Variants in GPC5 observed in about 807,000 individuals in gnomAD.
The protein encoded by GPC5 is glypican 5.
A neutral mutation model predicts 53.9 loss-of-function variants in GPC5; 47 were observed. The ratio of observed to expected loss-of-function variants is 0.87; its 90% CI spans 0.69 to 1.11. The LOEUF is 1.11. Among genes scored for constraint, GPC5 ranks in the 50% most tolerant of loss-of-function variants. The probability of loss-of-function intolerance (pLI) is 0.00; values close to 1 mark genes in which losing one functional copy is unlikely to be tolerated. For missense variants in GPC5, 748 were observed against 713.1 expected (o/e 1.05, Z -0.56); for synonymous variants, 286 against 263.3 (o/e 1.09, Z -0.84).
chr13:92,506,998 C>G (rs1482233823), intron 7 of GPC5, among the ~76,000 whole-genome samples: 1 of 152,166 alleles, frequency 6.6e-6, no homozygotes, highest in Non-Finnish European at 1.5e-5. Context: ...TCCTTGGCCC[C>G]CAAGTATGTG....
chr13:91,916,810 T>A (rs2139010348), intron 6 of GPC5, among the ~76,000 whole-genome samples: 1 of 152,236 alleles, frequency 6.6e-6, no homozygotes, highest in East Asian at 1.9e-4. Flanking sequence ...ATCAAATCTG[T>A]GAGACTCACT....
intron 6 of GPC5, among the ~76,000 whole-genome samples, chr13:92,056,366 T>G (rs903056058): frequency 6.6e-6 from 1 of 152,170 alleles, no homozygotes; most frequent in African/African-American, 2.4e-5. Context: ...GTTAATCTCC[T>G]CATCTCAAAA....
intron 7 of GPC5, among the ~76,000 whole-genome samples, chr13:92,438,245 A>G (rs1877397350): frequency 6.6e-6 from 1 of 152,006 alleles, no homozygotes; most frequent in Non-Finnish European, 1.5e-5. Flanking sequence ...TAAATGGAGA[A>G]CCAACCCAAT....
chr13:92,543,169 T>A (rs925353445), intron 7 of GPC5, among the ~76,000 whole-genome samples: 6 of 152,102 alleles, frequency 3.9e-5, no homozygotes, highest in African/African-American at 1.4e-4. Context: ...CTTCATTTTT[T>A]AAAAATTCAT....
At chr13:91,997,702 T>G (rs1299773325) in intron 6 of GPC5, among the ~76,000 whole-genome samples, 1 of 152,122 alleles carries the variant, frequency 6.6e-6, no homozygotes, top group Non-Finnish European at 1.5e-5. Context: ...GTCTTTTTAG[T>G]AGAGACGGGG....
chr13:92,771,036 C>T (rs1182911514), intron 7 of GPC5, among the ~76,000 whole-genome samples: 3 of 152,154 alleles, frequency 2.0e-5, no homozygotes, highest in Non-Finnish European at 4.4e-5. Context: ...AGTCCTGACT[C>T]TCCACAAGCC....
intron 2 of GPC5, among the ~76,000 whole-genome samples, chr13:91,471,733 G>T (rs185528019): frequency 2.0e-5 from 3 of 151,818 alleles, no homozygotes; most frequent in African/African-American, 7.3e-5. Flanking sequence ...TTCTTCCTAG[G>T]TCTCTTCCTC....
chr13:91,731,105 A>C (rs1257334114), intron 4 of GPC5, among the ~76,000 whole-genome samples: 2 of 152,240 alleles, frequency 1.3e-5, no homozygotes, highest in Admixed American at 1.3e-4. Context: ...GGTCCTTGCC[A>C]GCTAAAAGTG....
At chr13:92,484,896 G>A (rs1014341080) in intron 7 of GPC5, among the ~76,000 whole-genome samples, 20 of 150,602 alleles carry the variant, frequency 1.3e-4, no homozygotes, top group Admixed American at 3.9e-4. Context: ...CACCATGCCC[G>A]GCTAATTTTT....
chr13:91,507,918 A>G (rs1885028152), intron 2 of GPC5, among the ~76,000 whole-genome samples: 1 of 152,238 alleles, frequency 6.6e-6, no homozygotes, highest in Admixed American at 6.5e-5. Flanking sequence ...CTGAAAGTAT[A>G]CTTAATTGAA....
chr13:91,941,126 T>C (rs1186312917), intron 6 of GPC5, among the ~76,000 whole-genome samples: 2 of 152,018 alleles, frequency 1.3e-5, no homozygotes, highest in Non-Finnish European at 2.9e-5. Flanking sequence ...TATGGCTTGT[T>C]TTTGTCAGTG....
intron 6 of GPC5, among the ~76,000 whole-genome samples, chr13:92,083,146 G>A (rs1407154444): frequency 6.6e-6 from 1 of 152,118 alleles, no homozygotes; most frequent in Non-Finnish European, 1.5e-5. Context: ...TCCCTTTGGG[G>A]GACAAGAATT....
At chr13:91,907,836 C>A (rs1594655967) in intron 5 of GPC5, 101 bp from the exon 6 acceptor site, 1 of 1,221,710 alleles carries the variant, frequency 8.2e-7, no homozygotes, top group East Asian at 2.5e-5. Flanking sequence ...TTGGTGTATT[C>A]TCTAAAGGAG....
intron 6 of GPC5, among the ~76,000 whole-genome samples, chr13:92,136,191 G>A (rs1566450796): frequency 6.6e-6 from 1 of 152,108 alleles, no homozygotes; most frequent in Non-Finnish European, 1.5e-5. Context: ...AATAGATCAT[G>A]ATGGATTTTG....
At chr13:92,614,730 G>A (rs1356249816) in intron 7 of GPC5, among the ~76,000 whole-genome samples, 1 of 152,162 alleles carries the variant, frequency 6.6e-6, no homozygotes, top group Non-Finnish European at 1.5e-5. Context: ...AGCTCCTCTA[G>A]TCAACCATTT....
chr13:92,532,031 G>A (rs1881583107), intron 7 of GPC5, among the ~76,000 whole-genome samples: 1 of 151,922 alleles, frequency 6.6e-6, no homozygotes, highest in Non-Finnish European at 1.5e-5. Flanking sequence ...TCTCACCCTG[G>A]GTCTACTTCC....
intron 7 of GPC5, among the ~76,000 whole-genome samples, chr13:92,650,839 C>T (rs1374779089): frequency 1.3e-5 from 2 of 152,024 alleles, no homozygotes; most frequent in African/African-American, 4.8e-5. Context: ...ATGTGCAGAA[C>T]GTGGAGGTTT....
rs1272182518 is a variant in GPC5, at chr13:92,371,325, T to A, written c.1561+226336T>A. Among the ~76,000 whole-genome samples, 10 of 152,346 alleles carry A rather than the reference T, an allele frequency of 6.6e-5. No homozygotes were observed. The South Asian group carries it at 1.2e-3, about 19-fold the overall frequency. ...TATCCTCTGCTGTTATTTCTGTGTA[T>A]GATACATTACATGGCAAAGGGATTT... On this transcript the variant is annotated intron_variant, in intron 7 of 7. Coordinates refer to ENST00000377067, the MANE Select transcript of GPC5 (RefSeq NM_004466.6).
chr13:92,117,340 GTTTCT>G (rs1339911350), intron 6 of GPC5, among the ~76,000 whole-genome samples: 2 of 151,980 alleles, frequency 1.3e-5, no homozygotes, highest in Non-Finnish European at 2.9e-5. Context: ...GTTCCATTCT[GTTTCT>G]TTTATCTTTT....
Sources: gnomAD v4.1 joint callset for allele counts (sites outside exome capture counted in the v4.1 genomes callset) on GRCh38, gnomAD v4.1.1 for gene constraint, MANE v1.5 for transcripts, NCBI Gene and HGNC (gene_info 2026-07-23, HGNC 2026-07-21) for gene names.